FRAS1: variants seen among roughly 807,000 people sequenced by gnomAD.
FRAS1 encodes Fraser extracellular matrix complex subunit 1, also known as extracellular matrix organizing protein FRAS1.
Under a neutral mutation model 435.2 loss-of-function variants are expected in FRAS1, and 290 were observed. That is an observed-to-expected ratio of 0.67 (90% confidence interval 0.61 to 0.73). FRAS1 has a LOEUF of 0.73. Among genes scored for constraint, FRAS1 ranks in the 30% least tolerant of loss-of-function variants. The probability of loss-of-function intolerance (pLI) is 0.00; values close to 1 mark genes in which losing one functional copy is unlikely to be tolerated. For missense variants in FRAS1, 4,860 were observed against 5,001.5 expected, an observed-to-expected ratio of 0.97 and a Z score of 0.85; for synonymous variants, 1,800 against 1,851.0, an observed-to-expected ratio of 0.97 and a Z score of 0.71.
At chr4:78,155,653 G>A (rs1328973871) in intron 2 of FRAS1, among the ~76,000 whole-genome samples, 2 of 152,188 alleles carry the variant, frequency 1.3e-5, no homozygotes, top group African/African-American at 4.8e-5. Context: ...AAGGAAGAAA[G>A]CTTCATTATG....
rs371420231 is a variant in FRAS1, at chr4:78,462,251, T to A, written c.6764-1770T>A. Reference sequence around the variant, plus strand: ...TTAGGCAGGGATGGTGGCGTGTGCCTGTAATTCCAGCTACTTGGGAGACTG... The same window carrying A: ...TTAGGCAGGGATGGTGGCGTGTGCCAGTAATTCCAGCTACTTGGGAGACTG... On this transcript the variant is annotated intron_variant, in intron 47 of 73. Transcript: ENST00000512123. Among the ~76,000 whole-genome samples the A allele has an allele frequency of 2.3e-3, 345 of 152,216 alleles. 1 individual carries two copies. The highest frequency in any genetic ancestry group is 8.0e-3 in the African/African-American group (334 of 41,538).
intron 13 of FRAS1, 54 bp downstream of exon 13, chr4:78,284,602 T>C: frequency 1.3e-6 from 2 of 1,496,734 alleles, no homozygotes; most frequent in Non-Finnish European, 1.8e-6. Context: ...GATAGACTCA[T>C]CAAAGGTTGT....
At position 78,438,056 on chromosome 4, in the gene FRAS1, C is replaced by T. The variant is rs562818403; in HGVS notation, c.5218-514C>T. Among the ~76,000 whole-genome samples, 22 of 143,788 alleles carry T rather than the reference C, an allele frequency of 1.5e-4. 1 individual carries two copies. The East Asian group carries it at 4.6e-3, about 30-fold the overall frequency. The allele number at this position is 143,788 out of a possible 152,430, so 94.3% of individuals were successfully genotyped here. A position where few individuals can be genotyped will look rare whatever the true frequency, so the allele number is the denominator to read the frequency against. ...TAAAATTTTATCACGTTGAACATTG[C>T]TTAAAGTGAGCCATTGGCTAAGCTA... On this transcript the variant is annotated intron_variant, in intron 38 of 73. Transcript: ENST00000512123.
intron 20 of FRAS1, among the ~76,000 whole-genome samples, chr4:78,341,410 CG>C (rs747870192): frequency 2.6e-5 from 4 of 152,006 alleles, no homozygotes; most frequent in Non-Finnish European, 4.4e-5. Context: ...GAAAGATCTG[CG>C]GAAGATGGCT....
Position 78,278,805 on chromosome 4 carries a change from G to A in FRAS1, c.1071+61G>A, listed in dbSNP as rs1334316884. 3 of 973,206 alleles carry A rather than the reference G, an allele frequency of 3.1e-6. No individual in the cohort carries two copies. In the African/African-American group the frequency reaches 4.9e-5, roughly 16 times the overall value. The allele number at this position is 973,206 out of a possible 1,614,324, so 60.3% of individuals were successfully genotyped here. On this transcript the variant is annotated intron_variant, in intron 10 of 73. Coordinates refer to ENST00000512123, the MANE Select transcript of FRAS1 (RefSeq NM_025074.7). ...ATTAATTCAAAATTAATCTAATGAG[G>A]GAACATTACCTTCTTGTTTCTTTTG...
At chr4:78,375,585 A>G (rs1184859925) in intron 25 of FRAS1, among the ~76,000 whole-genome samples, 154 bp from the exon 26 acceptor site, 5 of 152,176 alleles carry the variant, frequency 3.3e-5, no homozygotes, top group Admixed American at 3.3e-4. Context: ...TCAGCTCCCT[A>G]TATATTCTGT....
intron 2 of FRAS1, among the ~76,000 whole-genome samples, chr4:78,125,818 T>C (rs1167738258): frequency 2.0e-5 from 3 of 152,162 alleles, no homozygotes. Context: ...TGTCTCCCAG[T>C]CAGGCTACAC....
intron 20 of FRAS1, among the ~76,000 whole-genome samples, chr4:78,356,285 G>A (rs775336629): frequency 2.6e-5 from 4 of 152,012 alleles, no homozygotes; most frequent in Non-Finnish European, 4.4e-5. Flanking sequence ...AACCCATATT[G>A]ACCTTTTTCG....
chr4:78,473,708 G>A (rs1348843415), intron 53 of FRAS1, 111 bp downstream of exon 53: 2 of 700,306 alleles, frequency 2.9e-6, no homozygotes, highest in Non-Finnish European at 4.6e-6. Flanking sequence ...GGCGGTGATG[G>A]TGATGATGGC....
At chr4:78,467,694 T>C (rs557248508) in intron 50 of FRAS1, among the ~76,000 whole-genome samples, 1 of 152,322 alleles carries the variant, frequency 6.6e-6, no homozygotes, top group East Asian at 1.9e-4. Flanking sequence ...CCACCAACAG[T>C]GTATGAGGGT....
At chr4:78,403,855 G>A (rs561308440) in intron 30 of FRAS1, among the ~76,000 whole-genome samples, 1 of 152,124 alleles carries the variant, frequency 6.6e-6, no homozygotes, top group East Asian at 1.9e-4. Flanking sequence ...CCTAGAGTTA[G>A]GTAAATCATC....
rs1413226090 is a variant in FRAS1, at chr4:78,063,373, G to C, written c.77-2612G>C. Among the ~76,000 whole-genome samples, 5 of 152,278 alleles carry C rather than the reference G, an allele frequency of 3.3e-5. No individual in the cohort carries two copies. The East Asian group carries it at 9.7e-4, about 29-fold the overall frequency. On this transcript the variant is annotated intron_variant, in intron 1 of 73. Coordinates refer to ENST00000512123, the MANE Select transcript of FRAS1 (RefSeq NM_025074.7). ...CACACTGGAATGCTTTTTTTCTCAAGAGAGTAGAAATGAGGTTTTGGAAGC... is the reference window on the plus strand; with the variant it reads ...CACACTGGAATGCTTTTTTTCTCAACAGAGTAGAAATGAGGTTTTGGAAGC...
At chr4:78,526,337 T>C (rs1721532754) in intron 69 of FRAS1, among the ~76,000 whole-genome samples, 1 of 152,236 alleles carries the variant, frequency 6.6e-6, no homozygotes, top group African/African-American at 2.4e-5. Context: ...AAAGTAGCTC[T>C]ATTTAACACC....
At chr4:78,374,038 C>T in intron 24 of FRAS1, 73 bp from the exon 25 acceptor site, 4 of 1,424,004 alleles carry the variant, frequency 2.8e-6, no homozygotes, top group Non-Finnish European at 3.8e-6. Flanking sequence ...ACATCTCATG[C>T]TGCCTTTCCA....
At chr4:78,142,126 T>C (rs1440254215) in intron 2 of FRAS1, among the ~76,000 whole-genome samples, 1 of 149,628 alleles carries the variant, frequency 6.7e-6, no homozygotes, top group Non-Finnish European at 1.5e-5. Flanking sequence ...CCTCAATAAC[T>C]TATGGAAAAA....
At chr4:78,198,906 TATAAC>T (rs1722935769) in intron 2 of FRAS1, among the ~76,000 whole-genome samples, 1 of 152,224 alleles carries the variant, frequency 6.6e-6, no homozygotes, top group African/African-American at 2.4e-5. Flanking sequence ...ATATAATACA[TATAAC>T]ATACAAAACA....
At chr4:78,442,688 G>A (rs1041916364) in intron 41 of FRAS1, among the ~76,000 whole-genome samples, 3 of 152,154 alleles carry the variant, frequency 2.0e-5, no homozygotes, top group African/African-American at 7.2e-5. Context: ...CAAATTTCTG[G>A]CAAGCTTCAG....
intron 2 of FRAS1, among the ~76,000 whole-genome samples, chr4:78,108,903 AT>A (rs1189673200): frequency 8.2e-6 from 1 of 122,674 alleles, no homozygotes; most frequent in East Asian, 2.1e-4. Flanking sequence ...ACAATAAAAA[AT>A]GATAAAGGGG....
At chr4:78,158,221 A>G (rs552793575) in intron 2 of FRAS1, among the ~76,000 whole-genome samples, 1 of 152,262 alleles carries the variant, frequency 6.6e-6, no homozygotes, top group African/African-American at 2.4e-5. Flanking sequence ...AAAAATGATA[A>G]TTGGTGGTTT....
Sources: gnomAD v4.1 joint callset for allele counts (sites outside exome capture counted in the v4.1 genomes callset) on GRCh38, gnomAD v4.1.1 for gene constraint, MANE v1.5 for transcripts, NCBI Gene and HGNC (gene_info 2026-07-23, HGNC 2026-07-21) for gene names.